STK25: variants seen among roughly 807,000 people sequenced by gnomAD.
STK25 encodes serine/threonine-protein kinase 25.
STK25 carries 29 observed loss-of-function variants against 53.8 expected under a neutral mutation model. The observed-to-expected ratio is 0.54, with a 90% CI of 0.40 to 0.74. The LOEUF (loss-of-function observed/expected upper bound fraction) is 0.74, where lower values mean the gene tolerates loss of function less well. Ranked by LOEUF, STK25 falls within the 30% of genes least tolerant of loss-of-function variation. STK25 has a pLI of 0.00. For synonymous variants in STK25, 247 were observed against 238.3 expected, an observed-to-expected ratio of 1.04 and a Z score of -0.33; for missense variants, 420 against 568.0, an observed-to-expected ratio of 0.74 and a Z score of 2.65.
rs2065483385 is a variant in STK25 at position 241,501,111 on chromosome 2, C to A, written c.262-315G>T. 1 of 553,682 alleles carries A rather than the reference C, an allele frequency of 1.8e-6. No individual in the cohort carries two copies. 34.3% of individuals were successfully genotyped at this position (553,682 alleles called of 1,614,324 possible). A position where few individuals can be genotyped will look rare whatever the true frequency, so the allele number is the denominator to read the frequency against. ...AGGGCATGGCTGGCAAGCATGTGAC[C>A]CGACACACCCATCACCCTCCTGGGC... On this transcript the variant is annotated intron_variant, in intron 3 of 11. Coordinates refer to ENST00000316586, the MANE Select transcript of STK25 (RefSeq NM_001271977.2). This position sits in a 1 kb window ranked among gnomAD's most constrained non-coding sequence, Gnocchi z 5.3.
At chr2:241,508,290 T>C in intron 1 of STK25, 153 bp downstream of exon 1, 1 of 1,256,716 alleles carries the variant, frequency 8.0e-7, no homozygotes, top group South Asian at 2.6e-5. Context: ...TCCCGGGGGC[T>C]CGCCGCCCCT....
At chr2:241,499,676 G>A (rs1052842000) in intron 5 of STK25, 15 of 562,476 alleles carry the variant, frequency 2.7e-5, no homozygotes, top group African/African-American at 1.7e-4. Flanking sequence ...AACGACAAGC[G>A]ACTTCGCCCA....
rs34868504 is a variant in STK25 at position 241,495,318 on chromosome 2, C to A, written c.*344G>T. ...CAGAGCTGCCCTGATAGTTGCTCTG[C>A]GCCTTGGTCTGAGCGGCCATAGGGC... On this transcript the variant is annotated 3_prime_UTR_variant, in exon 12 of 12. Coordinates refer to ENST00000316586, the MANE Select transcript of STK25 (RefSeq NM_001271977.2). 9.7e-5 allele frequency: 25 copies of A among 258,368 alleles called. 1 individual carries two copies. The Admixed American group carries it at 1.2e-3, about 13-fold the overall frequency. The allele number at this position is 258,368 out of a possible 1,614,324, so 16.0% of individuals were successfully genotyped here.
chr2:241,496,941 C>G lies in STK25; in HGVS notation c.1105-407G>C, dbSNP rs1033377838. Among the ~76,000 whole-genome samples the G allele has an allele frequency of 1.3e-5, 2 of 152,270 alleles. No individual in the cohort carries two copies. Among genetic ancestry groups the G allele is most frequent in the African/African-American group, 4.8e-5 (2 of 41,482 alleles). On this transcript the variant is annotated intron_variant, in intron 10 of 11. Coordinates refer to ENST00000316586, the MANE Select transcript of STK25 (RefSeq NM_001271977.2). This position sits in a 1 kb window ranked among gnomAD's most constrained non-coding sequence, Gnocchi z 5.8. Reference sequence around the variant, plus strand: ...CTGACCTCCATCAGGACACCAGCATCTGAGCCTCCTGTCACCGGGTGTCAC... The same window carrying G: ...CTGACCTCCATCAGGACACCAGCATGTGAGCCTCCTGTCACCGGGTGTCAC...
In STK25 at chr2:241,508,085, T is replaced by C; in HGVS notation, c.-50A>G. ...CCAGCAGCCCCAGGAGGCGTCTGGA[T>C]CCCGCGGAGAGGCGCGGAGCCGGCT... On this transcript the variant is annotated 5_prime_UTR_variant, in exon 2 of 12. Transcript: ENST00000316586. The C allele has an allele frequency of 6.4e-7, 1 of 1,571,166 alleles. No homozygotes were observed. Among genetic ancestry groups the C allele is most frequent in the Non-Finnish European group, 8.6e-7 (1 of 1,160,400 alleles).
chr2:241,498,371 CAGGGCCAGTGGGGAG>C, intron 8 of STK25, 22 bp from the exon 9 acceptor site: 1 of 1,556,948 alleles, frequency 6.4e-7, no homozygotes, highest in Middle Eastern at 2.0e-4. Context: ...GAGGAGTTGC[CAGGGCCAGTGGGGAG>C]AGGGCCAGGA....
chr2:241,505,519 G>A (rs1415892277), intron 2 of STK25, among the ~76,000 whole-genome samples: 1 of 152,160 alleles, frequency 6.6e-6, no homozygotes, highest in African/African-American at 2.4e-5. Flanking sequence ...AGGCCTCTCT[G>A]GATGACGCGT....
chr2:241,501,679 G>A lies in STK25; in HGVS notation c.60C>T (p.Phe20=). The A allele has an allele frequency of 6.2e-7, 1 of 1,613,918 alleles. No homozygotes were observed. The highest frequency in any genetic ancestry group is 2.2e-5 in the East Asian group (1 of 44,868). Residue 20 remains phenylalanine, a synonymous_variant, in exon 3 of 12, where the codon TTC becomes TTT. Transcript: ENST00000316586. The surrounding 1 kb of genome is among the most constrained non-coding windows in gnomAD (Gnocchi z 5.3). ...QHSRVDPEEL[F]TKLDRIGKGS... is the part of the protein sequence containing the mutation. The stretch of plus-strand genomic sequence containing the variant: ...CCTTGCCAATGCGGTCGAGCTTGGT[G>A]AAGAGCTCCTCAGGGTCCACTCGAG...
intron 2 of STK25, 75 bp downstream of exon 2, chr2:241,507,931 C>T: frequency 1.4e-6 from 2 of 1,424,950 alleles, no homozygotes; most frequent in Non-Finnish European, 9.7e-7. Context: ...CGTGGCGCTC[C>T]CCTCTGAACC....
chr2:241,498,397 G>A (rs746369732), intron 8 of STK25, 48 bp from the exon 9 acceptor site: 4 of 1,495,768 alleles, frequency 2.7e-6, no homozygotes, highest in South Asian at 1.3e-5. Flanking sequence ...AGGGCCAGGA[G>A]GCATGAGGGC....
Position 241,493,102 on chromosome 2 carries a change from CTG to C in STK25, c.*2558_*2559del. ...CAGACAGACACTTAACCCTGCTCAC[CTG>C]TGTCCCTTTTGTATTTTGGTTCTGC... On this transcript the variant is annotated 3_prime_UTR_variant, in exon 12 of 12. Coordinates refer to ENST00000316586, the MANE Select transcript of STK25 (RefSeq NM_001271977.2). 8.8e-7 allele frequency: 1 copy of C among 1,135,048 alleles called. No homozygotes were observed. The highest frequency in any genetic ancestry group is 1.7e-5 in the Admixed American group (1 of 58,336). 70.3% of individuals were successfully genotyped at this position (1,135,048 alleles called of 1,614,324 possible).
At position 241,508,007 on chromosome 2, in the gene STK25, T is replaced by C. The variant is rs768678275; in HGVS notation, c.29A>G (p.Gln10Arg). The C allele has an allele frequency of 6.2e-7, 1 of 1,603,030 alleles. No homozygotes were observed. The highest frequency in any genetic ancestry group is 8.5e-7 in the Non-Finnish European group (1 of 1,175,976). The change falls in exon 2 of 12, where the codon CAG becomes CGG. Residue 10 changes from glutamine (Q) to arginine (R), a missense_variant and splice_region_variant. Coordinates refer to ENST00000316586, the MANE Select transcript of STK25 (RefSeq NM_001271977.2). MAHLRGFAN[Q>R]HSRVDPEELF... ...CTTCCTGACCTGCACCCTTCTCACC[T>C]GGTTGGCAAATCCCCGGAGGTGAGC...
chr2:241,506,984 C>G (rs2065867859), intron 2 of STK25, among the ~76,000 whole-genome samples: 1 of 152,158 alleles, frequency 6.6e-6, no homozygotes, highest in African/African-American at 2.4e-5. Flanking sequence ...TAGGCTGGTC[C>G]GGTTTCCTCC....
At chr2:241,499,784 G>C (rs1436850450) in intron 5 of STK25, 2 of 462,032 alleles carry the variant, frequency 4.3e-6, no homozygotes, top group Non-Finnish European at 8.0e-6. Context: ...CTACATGACA[G>C]AGATGGCTCG....
intron 2 of STK25, among the ~76,000 whole-genome samples, chr2:241,506,895 C>A (rs1195424676): frequency 6.6e-6 from 1 of 152,242 alleles, no homozygotes; most frequent in Non-Finnish European, 1.5e-5. Flanking sequence ...CAGCAACAGT[C>A]AGCAAGCCCC....
chr2:241,506,404 A>G (rs2065832101), intron 2 of STK25, among the ~76,000 whole-genome samples: 1 of 152,252 alleles, frequency 6.6e-6, no homozygotes, highest in Non-Finnish European at 1.5e-5. Context: ...AATAGCACAC[A>G]GTTACAGGGC....
chr2:241,495,647 G>C lies in STK25; in HGVS notation c.*15C>G, dbSNP rs779282182. 7.4e-6 allele frequency: 12 copies of C among 1,613,996 alleles called. No individual in the cohort carries two copies. The highest frequency in any genetic ancestry group is 4.4e-5 in the South Asian group (4 of 91,088). Reference sequence around the variant, plus strand: ...ACAAACGACCTTCCGTCCCCTATCTGAACAGCAGTGCGCTTCAGCGGGTGG... The same window carrying C: ...ACAAACGACCTTCCGTCCCCTATCTCAACAGCAGTGCGCTTCAGCGGGTGG... On this transcript the variant is annotated 3_prime_UTR_variant, in exon 12 of 12. Coordinates refer to ENST00000316586, the MANE Select transcript of STK25 (RefSeq NM_001271977.2).
chr2:241,507,923 T>C (rs985212940), intron 2 of STK25, 83 bp downstream of exon 2: 1 of 1,384,066 alleles, frequency 7.2e-7, no homozygotes, highest in South Asian at 1.2e-5. Flanking sequence ...CGCTCCGGCG[T>C]GGCGCTCCCC....
At chr2:241,498,954 T>C in intron 7 of STK25, 35 bp downstream of exon 7, 1 of 1,612,460 alleles carries the variant, frequency 6.2e-7, no homozygotes, top group Non-Finnish European at 8.5e-7. Flanking sequence ...CTCCACGTCC[T>C]GTCTAGAAGG....
Sources: allele counts gnomAD v4.1 joint callset (sites outside exome capture counted in the v4.1 genomes callset), GRCh38; gene constraint gnomAD v4.1.1; non-coding constraint Gnocchi (gnomAD v3.1); transcripts MANE v1.5; gene names NCBI Gene and HGNC (gene_info 2026-07-23, HGNC 2026-07-21).